Variants in FLT1 observed in about 807,000 individuals in gnomAD.
FLT1 encodes vascular endothelial growth factor receptor 1.
FLT1 carries 49 observed loss-of-function variants against 156.3 expected under a neutral mutation model. The ratio of observed to expected loss-of-function variants is 0.31; its 90% CI spans 0.25 to 0.40. The LOEUF (loss-of-function observed/expected upper bound fraction) is 0.40, where lower values mean the gene tolerates loss of function less well. FLT1 is among the 10% of genes least tolerant of loss of function. The pLI is 1.00. For missense variants in FLT1, 1,322 were observed against 1,637.2 expected (o/e 0.81, Z 3.32); for synonymous variants, 594 against 583.8 (o/e 1.02, Z -0.25).
intron 3 of FLT1, among the ~76,000 whole-genome samples, chr13:28,441,505 T>C (rs1283920285): frequency 6.6e-6 from 1 of 152,216 alleles, no homozygotes; most frequent in Non-Finnish European, 1.5e-5. Flanking sequence ...AAGGATCAAG[T>C]TGCTGTAGAC....
chr13:28,488,692 G>A (rs564573613), intron 1 of FLT1, among the ~76,000 whole-genome samples: 2 of 152,244 alleles, frequency 1.3e-5, no homozygotes, highest in East Asian at 3.9e-4. Context: ...CAATTTTTAA[G>A]AACATGTCTC....
intron 28 of FLT1, chr13:28,308,498 C>T (rs1000214943): frequency 5.5e-5 from 20 of 361,940 alleles, no homozygotes; most frequent in Non-Finnish European, 9.1e-5. Context: ...TGTTACATCA[C>T]AAAGCCCATC....
At chr13:28,304,582 A>G (rs1455700322) in intron 29 of FLT1, among the ~76,000 whole-genome samples, 1 of 152,130 alleles carries the variant, frequency 6.6e-6, no homozygotes, top group Non-Finnish European at 1.5e-5. Context: ...TAAAATGTGT[A>G]AGCCAATGGT....
intron 23 of FLT1, among the ~76,000 whole-genome samples, chr13:28,320,875 A>G (rs779080144): frequency 2.6e-5 from 4 of 152,130 alleles, no homozygotes; most frequent in Non-Finnish European, 4.4e-5. Flanking sequence ...GCTGAGGGTT[A>G]AGGAGAAGGG....
At chr13:28,319,197 T>G (rs780022275) in intron 24 of FLT1, among the ~76,000 whole-genome samples, 2 of 152,208 alleles carry the variant, frequency 1.3e-5, no homozygotes, top group African/African-American at 2.4e-5. Context: ...CCCTTTTACA[T>G]GACCTTGTTC....
At chr13:28,444,596 C>T (rs1657408372) in intron 3 of FLT1, among the ~76,000 whole-genome samples, 1 of 152,172 alleles carries the variant, frequency 6.6e-6, no homozygotes, top group African/African-American at 2.4e-5. Context: ...ATGAAACATT[C>T]TCCAAGATAG....
intron 14 of FLT1, among the ~76,000 whole-genome samples, chr13:28,380,211 C>T (rs757147264): frequency 6.6e-6 from 1 of 152,158 alleles, no homozygotes; most frequent in Non-Finnish European, 1.5e-5. Context: ...AATACTCTTC[C>T]ATTTCAGTTT....
chr13:28,382,086 ATAGG>A (rs1874103433), intron 14 of FLT1, among the ~76,000 whole-genome samples: 1 of 152,216 alleles, frequency 6.6e-6, no homozygotes, highest in Non-Finnish European at 1.5e-5. Context: ...AGAAATATGC[ATAGG>A]TAATACTGAC....
At chr13:28,346,470 A>G (rs1872570027) in intron 15 of FLT1, among the ~76,000 whole-genome samples, 1 of 152,012 alleles carries the variant, frequency 6.6e-6, no homozygotes, top group South Asian at 2.1e-4. Flanking sequence ...CTGTAATCCT[A>G]GCAGTTTGGG....
rs775271915 is a variant in FLT1 at position 28,412,329 on chromosome 13, C to CTTTCT, written c.1437-6436_1437-6435insAGAAA. On this transcript the variant is annotated intron_variant, in intron 10 of 29. Coordinates refer to ENST00000282397, the MANE Select transcript of FLT1 (RefSeq NM_002019.4). ...TTTCTCTTTCTTTCTTTCTTTCTTTCTTTTCTTTCTTTCTTTCTTTCTCTT... is the reference window on the plus strand; with the variant it reads ...TTTCTCTTTCTTTCTTTCTTTCTTTCTTTCTTTTTCTTTCTTTCTTTCTTTCTCTT... Among the ~76,000 whole-genome samples the CTTTCT allele has an allele frequency of 6.4e-4, 57 of 89,014 alleles. 2 individuals are homozygous for CTTTCT. The highest frequency in any genetic ancestry group is 1.9e-3 in the African/African-American group (46 of 24,174). The allele number at this position is 89,014 out of a possible 152,430, so 58.4% of individuals were successfully genotyped here.
In FLT1 at chr13:28,389,916, T is replaced by C. The variant is rs1022929239; in HGVS notation, c.1849A>G (p.Ile617Val). Residue 617 changes from isoleucine to valine, a missense_variant, in exon 13 of 30, where the codon ATC (isoleucine) becomes GTC (valine). Coordinates refer to ENST00000282397, the MANE Select transcript of FLT1 (RefSeq NM_002019.4). ...TTCATGATGGTAAGATTAAGAGTGA[T>C]GGAGTGCTCCTTAGTGATGGCCATT... ...QKMAITKEHS[I>V]TLNLTIMNVS... The C allele has an allele frequency of 4.3e-6, 7 of 1,614,214 alleles. No homozygotes were observed. The highest frequency in any genetic ancestry group is 5.9e-6 in the Non-Finnish European group (7 of 1,180,036).
At chr13:28,467,449 T>C (rs1879913144) in intron 2 of FLT1, 72 bp downstream of exon 2, 1 of 1,031,144 alleles carries the variant, frequency 9.7e-7, no homozygotes, top group African/African-American at 1.6e-5. Context: ...CCCTACCTTT[T>C]TACTCTGCCA....
chr13:28,448,241 G>A (rs773878102), intron 3 of FLT1, among the ~76,000 whole-genome samples: 5 of 152,184 alleles, frequency 3.3e-5, no homozygotes, highest in African/African-American at 4.8e-5. Flanking sequence ...AGATGACCCA[G>A]CAATTCCACC....
chr13:28,306,631 T>C (rs777203064), intron 29 of FLT1, 47 bp downstream of exon 29: 11 of 1,327,756 alleles, frequency 8.3e-6, no homozygotes, highest in Non-Finnish European at 1.2e-5. Context: ...GCATCTCCCC[T>C]CGTACCCCTC....
In FLT1 at chr13:28,300,536, C is replaced by CACACAG. The variant is rs1190259926; in HGVS notation, c.*2630_*2631insCTGTGT. The CACACAG allele has an allele frequency of 4.3e-6, 1 of 232,350 alleles. No homozygotes were observed. Among genetic ancestry groups the CACACAG allele is most frequent in the East Asian group, 6.0e-5 (1 of 16,552 alleles). 14.4% of individuals were successfully genotyped at this position (232,350 alleles called of 1,614,324 possible). On this transcript the variant is annotated 3_prime_UTR_variant, in exon 30 of 30. Coordinates refer to ENST00000282397, the MANE Select transcript of FLT1 (RefSeq NM_002019.4). ...ACACATACACCCACACACACACACA[C>CACACAG]ACACACACACACACACACACATACA...
intron 14 of FLT1, among the ~76,000 whole-genome samples, chr13:28,360,579 G>A (rs1247667838): frequency 2.0e-5 from 3 of 152,164 alleles, no homozygotes; most frequent in Admixed American, 6.5e-5. Context: ...AGCGAAATAA[G>A]CCAGGCACTG....
chr13:28,303,066 G>T lies in FLT1; in HGVS notation c.*101C>A. The T allele has an allele frequency of 9.5e-7, 1 of 1,051,884 alleles. No homozygotes were observed. The highest frequency in any genetic ancestry group is 1.4e-6 in the Non-Finnish European group (1 of 714,368). 65.2% of individuals were successfully genotyped at this position (1,051,884 alleles called of 1,614,324 possible). The stretch of plus-strand genomic sequence containing the variant: ...AAAAAGCAGCTGGCTCCCATGGAAA[G>T]ATAAAGGTGTAAACTTATATATGCA... On this transcript the variant is annotated 3_prime_UTR_variant, in exon 30 of 30. Coordinates refer to ENST00000282397, the MANE Select transcript of FLT1 (RefSeq NM_002019.4).
chr13:28,302,925 T>C lies in FLT1; in HGVS notation c.*242A>G. On this transcript the variant is annotated 3_prime_UTR_variant, in exon 30 of 30. Coordinates refer to ENST00000282397, the MANE Select transcript of FLT1 (RefSeq NM_002019.4). ...AGTCATTGGGTTTAGGAAGGATTTC[T>C]CTAACACTGAGTAACATGAGGATTT... The C allele has an allele frequency of 1.8e-6, 1 of 547,224 alleles. No individual in the cohort carries two copies. Among genetic ancestry groups the C allele is most frequent in the Non-Finnish European group, 3.3e-6 (1 of 305,792 alleles). 33.9% of individuals were successfully genotyped at this position (547,224 alleles called of 1,614,324 possible).
intron 3 of FLT1, among the ~76,000 whole-genome samples, chr13:28,452,895 TGAAATTC>T: frequency 6.6e-6 from 1 of 151,608 alleles, no homozygotes; most frequent in Admixed American, 6.6e-5. Context: ...ATAATTTGCT[TGAAATTC>T]CTATTTTTAA....
Sources: allele counts gnomAD v4.1 joint callset (sites outside exome capture counted in the v4.1 genomes callset), GRCh38; gene constraint gnomAD v4.1.1; transcripts MANE v1.5; gene names NCBI Gene and HGNC (gene_info 2026-07-23, HGNC 2026-07-21).